The following TTC39B variants were observed in gnomAD, a reference collection of about 807,000 sequenced individuals.
TTC39B encodes tetratricopeptide repeat domain 39B, also known as tetratricopeptide repeat protein 39B.
A neutral mutation model predicts 96.6 loss-of-function variants in TTC39B; 92 were observed. The observed-to-expected ratio is 0.95, with a 90% CI of 0.80 to 1.13. The LOEUF is 1.13. TTC39B is among the 50% of genes most tolerant of loss of function. TTC39B has a pLI of 0.00. For synonymous variants in TTC39B, 367 were observed against 299.4 expected, an observed-to-expected ratio of 1.23 and a Z score of -2.33; for missense variants, 955 against 809.3, an observed-to-expected ratio of 1.18 and a Z score of -2.18.
rs574272235 is a variant in TTC39B at position 15,302,759 on chromosome 9, G to A, written c.240+4325C>T. On this transcript the variant is annotated intron_variant, in intron 1 of 19. Coordinates refer to ENST00000512701, the Ensembl canonical transcript of TTC39B. ...CTCGGGAGGCTGAGGCAGGAGAATC[G>A]CTTGAACCCGGGAGGCGGAGGTTGC... 8.6e-5 allele frequency among the ~76,000 whole-genome samples: 13 copies of A among 151,640 alleles called. No individual in the cohort carries two copies. The East Asian group carries it at 1.6e-3, about 18-fold the overall frequency.
At chr9:15,203,691 G>A in intron 7 of TTC39B, 132 bp downstream of exon 7, 1 of 667,264 alleles carries the variant, frequency 1.5e-6, no homozygotes, top group Non-Finnish European at 2.4e-6. Flanking sequence ...AAGTTTATCA[G>A]AATAACAAAT....
chr9:15,282,678 C>T (rs1823811020), intron 1 of TTC39B, among the ~76,000 whole-genome samples: 1 of 152,108 alleles, frequency 6.6e-6, no homozygotes, highest in African/African-American at 2.4e-5. Context: ...TTACATATAA[C>T]AACTGATTTG....
chr9:15,201,273 A>C (rs545869764), intron 7 of TTC39B, among the ~76,000 whole-genome samples: 1 of 152,122 alleles, frequency 6.6e-6, no homozygotes, highest in South Asian at 2.1e-4. Context: ...AAAAAAAAAA[A>C]CAAACATATC....
chr9:15,216,519 A>G (rs1395825501), intron 3 of TTC39B, among the ~76,000 whole-genome samples: 1 of 152,214 alleles, frequency 6.6e-6, no homozygotes, highest in East Asian at 1.9e-4. Context: ...CTCTCACGGC[A>G]AGATTTTTCA....
At chr9:15,305,928 G>A (rs1040586798) in intron 1 of TTC39B, among the ~76,000 whole-genome samples, 10 of 151,978 alleles carry the variant, frequency 6.6e-5, no homozygotes, top group African/African-American at 1.9e-4. Flanking sequence ...CAAGGGACAG[G>A]CTGTAAGCAA....
At chr9:15,258,505 C>G (rs764612793) in intron 2 of TTC39B, among the ~76,000 whole-genome samples, 1 of 152,146 alleles carries the variant, frequency 6.6e-6, no homozygotes, top group Non-Finnish European at 1.5e-5. Flanking sequence ...ATGATTGGAC[C>G]TCTTTCCCAT....
intron 1 of TTC39B, among the ~76,000 whole-genome samples, chr9:15,272,280 A>G (rs1199387846): frequency 6.6e-6 from 1 of 152,184 alleles, no homozygotes; most frequent in Non-Finnish European, 1.5e-5. Flanking sequence ...TGTTTCCACC[A>G]AAGTCTCTTT....
intron 2 of TTC39B, among the ~76,000 whole-genome samples, chr9:15,267,617 A>G (rs974311899): frequency 1.3e-5 from 2 of 152,224 alleles, no homozygotes; most frequent in Non-Finnish European, 2.9e-5. Flanking sequence ...AAAATCTACA[A>G]AATGAGACTG....
chr9:15,302,196 G>C (rs2131623127), intron 1 of TTC39B, among the ~76,000 whole-genome samples: 1 of 151,210 alleles, frequency 6.6e-6, no homozygotes, highest in South Asian at 2.1e-4. Context: ...TGTGGTGGTG[G>C]GCGCCTGCAA....
At chr9:15,175,203 A>T in intron 18 of TTC39B, 68 bp from the exon 19 acceptor site, 2 of 1,093,028 alleles carry the variant, frequency 1.8e-6, no homozygotes, top group East Asian at 5.0e-5. Context: ...CTAAATATAT[A>T]TTATTCCCAT....
At chr9:15,194,376 T>C (rs189450187) in intron 8 of TTC39B, among the ~76,000 whole-genome samples, 7 of 152,304 alleles carry the variant, frequency 4.6e-5, no homozygotes, top group African/African-American at 1.2e-4. Flanking sequence ...AAAGTACCTA[T>C]CTTTCTTCAC....
At chr9:15,232,685 G>T (rs1821493576) in intron 2 of TTC39B, among the ~76,000 whole-genome samples, 1 of 152,204 alleles carries the variant, frequency 6.6e-6, no homozygotes, top group African/African-American at 2.4e-5. Flanking sequence ...AACAAAAACA[G>T]AGCCCGCCTA....
chr9:15,242,268 C>T (rs1419270257), intron 2 of TTC39B, among the ~76,000 whole-genome samples: 1 of 152,146 alleles, frequency 6.6e-6, no homozygotes, highest in Non-Finnish European at 1.5e-5. Flanking sequence ...TCTAGACATA[C>T]ACTTTTAAGA....
intron 1 of TTC39B, among the ~76,000 whole-genome samples, chr9:15,286,709 A>G (rs1823986829): frequency 6.6e-6 from 1 of 152,194 alleles, no homozygotes; most frequent in African/African-American, 2.4e-5. Context: ...CTGAGCTTCC[A>G]ACCTCAGCAC....
chr9:15,214,104 AAG>A, intron 4 of TTC39B, 33 bp downstream of exon 4: 1 of 1,464,494 alleles, frequency 6.8e-7, no homozygotes, highest in Non-Finnish European at 9.5e-7. Context: ...AAACATCTGA[AAG>A]ATATTTTATC....
At chr9:15,185,321 C>T (rs1165429164) in exon 16 of TTC39B, 3 of 1,613,620 alleles carry the variant, frequency 1.9e-6, no homozygotes, top group Non-Finnish European at 2.5e-6. Context: ...GGTAAGGAGG[C>T]GGAGTAACGC....
At chr9:15,269,141 CAAG>C (rs1407596567) in intron 1 of TTC39B, among the ~76,000 whole-genome samples, 1 of 152,200 alleles carries the variant, frequency 6.6e-6, no homozygotes, top group Non-Finnish European at 1.5e-5. Flanking sequence ...GCCACCTCCT[CAAG>C]AAGAACATCT....
chr9:15,275,227 G>A (rs972986056), intron 1 of TTC39B, among the ~76,000 whole-genome samples: 14 of 152,258 alleles, frequency 9.2e-5, no homozygotes, highest in African/African-American at 3.1e-4. Flanking sequence ...TTTTAGTAGA[G>A]ACGGGGTTTC....
intron 3 of TTC39B, 111 bp from the exon 4 acceptor site, chr9:15,214,360 G>T: frequency 1.4e-6 from 1 of 702,144 alleles, no homozygotes; most frequent in Admixed American, 2.4e-5. Flanking sequence ...GTGTGTGTGT[G>T]TCTGTGTGTG....
Sources: allele counts gnomAD v4.1 joint callset (sites outside exome capture counted in the v4.1 genomes callset), GRCh38; gene constraint gnomAD v4.1.1; transcripts MANE v1.5; gene names NCBI Gene and HGNC (gene_info 2026-07-23, HGNC 2026-07-21).